Variants in MYO1D observed in about 807,000 individuals in gnomAD.
MYO1D encodes myosin ID, also known as unconventional myosin-Id.
Under a neutral mutation model 122.0 loss-of-function variants are expected in MYO1D, and 83 were observed. The ratio of observed to expected loss-of-function variants is 0.68; its 90% confidence interval spans 0.57 to 0.82. The LOEUF is 0.82. MYO1D is among the 40% of genes least tolerant of loss of function. The probability of loss-of-function intolerance (pLI) is 0.00; values close to 1 mark genes in which losing one functional copy is unlikely to be tolerated. For missense variants in MYO1D, 1,157 were observed against 1,269.5 expected, an observed-to-expected ratio of 0.91 and a Z score of 1.35; for synonymous variants, 464 against 446.9, an observed-to-expected ratio of 1.04 and a Z score of -0.48.
At chr17:32,653,623 A>G (rs1291233407) in intron 19 of MYO1D, among the ~76,000 whole-genome samples, 1 of 152,036 alleles carries the variant, frequency 6.6e-6, no homozygotes, top group Non-Finnish European at 1.5e-5. Context: ...AAAAAAAAAA[A>G]AAAAAGGTTA....
intron 13 of MYO1D, among the ~76,000 whole-genome samples, chr17:32,742,529 C>T (rs1229799541): frequency 2.6e-5 from 4 of 152,228 alleles, no homozygotes; most frequent in Admixed American, 1.3e-4. Flanking sequence ...GGTACAGAGA[C>T]TGGCAACACA....
At chr17:32,663,260 C>T (rs182885660) in intron 16 of MYO1D, among the ~76,000 whole-genome samples, 2 of 152,086 alleles carry the variant, frequency 1.3e-5, no homozygotes, top group African/African-American at 4.8e-5. Flanking sequence ...TTTTTGCCTC[C>T]GTCACTTGTC....
intron 1 of MYO1D, among the ~76,000 whole-genome samples, chr17:32,807,102 T>C (rs1371270371): frequency 6.6e-6 from 1 of 152,178 alleles, no homozygotes; most frequent in Non-Finnish European, 1.5e-5. Context: ...TTTATTTTCA[T>C]GGAGGATTTC....
At chr17:32,689,583 T>C (rs1182680064) in intron 16 of MYO1D, among the ~76,000 whole-genome samples, 1 of 152,198 alleles carries the variant, frequency 6.6e-6, no homozygotes, top group Non-Finnish European at 1.5e-5. Flanking sequence ...TGTGTAGATA[T>C]TTCCAGAATT....
At chr17:32,772,153 G>C (rs2090119671) in intron 5 of MYO1D, among the ~76,000 whole-genome samples, 1 of 151,922 alleles carries the variant, frequency 6.6e-6, no homozygotes, top group South Asian at 2.1e-4. Context: ...CATTAATTTG[G>C]GCTTTAAAAA....
chr17:32,798,725 G>A (rs774834179), intron 1 of MYO1D, among the ~76,000 whole-genome samples: 1 of 152,190 alleles, frequency 6.6e-6, no homozygotes, highest in Non-Finnish European at 1.5e-5. Context: ...AAATTTGGAA[G>A]GGTGTAAAGA....
At chr17:32,740,662 GA>G (rs2089761752) in intron 13 of MYO1D, among the ~76,000 whole-genome samples, 1 of 152,004 alleles carries the variant, frequency 6.6e-6, no homozygotes, top group Non-Finnish European at 1.5e-5. Context: ...ATTTTTTGTA[GA>G]ATGGTCTCCC....
At chr17:32,675,393 T>C (rs2088793037) in intron 16 of MYO1D, among the ~76,000 whole-genome samples, 1 of 152,208 alleles carries the variant, frequency 6.6e-6, no homozygotes, top group African/African-American at 2.4e-5. Flanking sequence ...CTATCACTGA[T>C]AAAGTATCAT....
At chr17:32,588,766 A>G (rs142415738) in intron 21 of MYO1D, among the ~76,000 whole-genome samples, 1,687 of 152,194 alleles carry the variant, frequency 0.011, 30 homozygotes, top group African/African-American at 0.036. Context: ...CCTGGCCAAC[A>G]TGGTGAAACC....
intron 13 of MYO1D, among the ~76,000 whole-genome samples, chr17:32,741,876 G>A (rs9915661): frequency 0.017 from 2,657 of 151,978 alleles, 87 homozygotes; most frequent in African/African-American, 0.061. Context: ...TTAGCCGGGC[G>A]TGGTGGTGGG....
intron 16 of MYO1D, among the ~76,000 whole-genome samples, chr17:32,687,924 G>C (rs575472588): frequency 6.6e-6 from 1 of 152,226 alleles, no homozygotes; most frequent in African/African-American, 2.4e-5. Flanking sequence ...GGATTCTGCT[G>C]CCCTCCATAA....
At chr17:32,802,928 G>C (rs868459) in intron 1 of MYO1D, among the ~76,000 whole-genome samples, 1 of 152,230 alleles carries the variant, frequency 6.6e-6, no homozygotes, top group Admixed American at 6.5e-5. Context: ...CTTGGTTTTA[G>C]ATTTGGTGGC....
chr17:32,687,871 G>T (rs1598009711), intron 16 of MYO1D, among the ~76,000 whole-genome samples: 1 of 152,090 alleles, frequency 6.6e-6, no homozygotes, highest in African/African-American at 2.4e-5. Flanking sequence ...CTGGGTACAG[G>T]GCATGATGCT....
At chr17:32,666,655 CAG>C (rs2088639715) in intron 16 of MYO1D, among the ~76,000 whole-genome samples, 1 of 152,240 alleles carries the variant, frequency 6.6e-6, no homozygotes. Context: ...CGTTTCGTCT[CAG>C]AATCAAACAC....
rs2087935974 is a variant in MYO1D at position 32,626,972 on chromosome 17, T to C, written c.2709+11750A>G. Reference sequence around the variant, plus strand: ...CAGAATAAGAAAAAAATTTCATCTGTATTTTTCTAAATTTCTCTATAATAT... The same window carrying C: ...CAGAATAAGAAAAAAATTTCATCTGCATTTTTCTAAATTTCTCTATAATAT... On this transcript the variant is annotated intron_variant, in intron 20 of 21. Transcript: ENST00000318217. Among the ~76,000 whole-genome samples, 4 of 152,214 alleles carry C rather than the reference T, an allele frequency of 2.6e-5. No individual in the cohort carries two copies. The South Asian group carries it at 8.3e-4, about 32-fold the overall frequency.
intron 21 of MYO1D, among the ~76,000 whole-genome samples, chr17:32,506,524 T>A (rs1597862465): frequency 6.6e-6 from 1 of 151,764 alleles, no homozygotes; most frequent in African/African-American, 2.4e-5. Flanking sequence ...ATAAAACAAA[T>A]CTGATCCATC....
At chr17:32,524,031 C>T (rs908215386) in intron 21 of MYO1D, among the ~76,000 whole-genome samples, 18 of 152,310 alleles carry the variant, frequency 1.2e-4, no homozygotes, top group African/African-American at 3.6e-4. Context: ...AGCACAGTGC[C>T]GTGCGTAATC....
intron 6 of MYO1D, 58 bp downstream of exon 6, chr17:32,771,065 GTC>G: frequency 1.6e-6 from 2 of 1,278,492 alleles, no homozygotes; most frequent in Admixed American, 3.5e-5. Flanking sequence ...ATTATTGAAT[GTC>G]TCTTCTAATC....
At chr17:32,787,603 G>C (rs1441884104) in intron 1 of MYO1D, among the ~76,000 whole-genome samples, 1 of 152,122 alleles carries the variant, frequency 6.6e-6, no homozygotes, top group Admixed American at 6.5e-5. Context: ...ATTTTTAGTA[G>C]AGACAGGGTT....
Sources: gnomAD v4.1 joint callset for allele counts (sites outside exome capture counted in the v4.1 genomes callset) on GRCh38, gnomAD v4.1.1 for gene constraint, MANE v1.5 for transcripts, NCBI Gene and HGNC (gene_info 2026-07-23, HGNC 2026-07-21) for gene names.